Variants in LAMA2 observed in about 807,000 individuals in gnomAD.
LAMA2 encodes laminin subunit alpha 2.
In LAMA2, 269 loss-of-function variants were observed where a neutral mutation model predicts 364.8. The ratio of observed to expected loss-of-function variants is 0.74; its 90% CI spans 0.67 to 0.82. LAMA2 has a LOEUF of 0.82. Ranked by LOEUF, LAMA2 falls within the 40% of genes least tolerant of loss-of-function variation. LAMA2 has a pLI of 0.00. For synonymous variants in LAMA2, 1,379 were observed against 1,370.6 expected, an observed-to-expected ratio of 1.01 and a Z score of -0.14; for missense variants, 3,807 against 3,873.2, an observed-to-expected ratio of 0.98 and a Z score of 0.45.
Position 129,200,242 on chromosome 6 carries a change from G to A in LAMA2, c.1782+7389G>A, listed in dbSNP as rs539295347. Among the ~76,000 whole-genome samples the A allele has an allele frequency of 1.4e-3, 173 of 125,714 alleles. 2 individuals are homozygous for A. The highest frequency in any genetic ancestry group is 5.4e-3 in the African/African-American group (154 of 28,426). 82.5% of individuals were successfully genotyped at this position (125,714 alleles called of 152,430 possible). On this transcript the variant is annotated intron_variant, in intron 12 of 64. Transcript: ENST00000421865. ...TATATATACGTGTACACATATACAT[G>A]TGTATATATATACGTGTACACATAT...
At chr6:128,961,883 T>G (rs1582777820) in intron 1 of LAMA2, among the ~76,000 whole-genome samples, 1 of 151,756 alleles carries the variant, frequency 6.6e-6, no homozygotes, top group East Asian at 2.0e-4. Flanking sequence ...GGCAGGGGGA[T>G]CTGGATACCT....
chr6:129,314,704 G>T lies in LAMA2; in HGVS notation c.3461G>T (p.Gly1154Val), dbSNP rs922954882. 9.9e-6 allele frequency: 16 copies of T among 1,613,718 alleles called. No homozygotes were observed. The highest frequency in any genetic ancestry group is 1.7e-4 in the Middle Eastern group (1 of 5,858). ...HCDRCRPGKF[G>V]LDAKNPLGCS... The stretch of plus-strand genomic sequence containing the variant: ...GACAGATGCCGGCCTGGCAAATTCG[G>T]ACTCGATGCCAAGAATCCACTTGGC... Residue 1154 changes from glycine (G) to valine (V), a missense_variant, in exon 24 of 65, where the codon GGA becomes GTA. Coordinates refer to ENST00000421865, the MANE Select transcript of LAMA2 (RefSeq NM_000426.4).
At chr6:129,512,723 G>A (rs776472777) in intron 63 of LAMA2, among the ~76,000 whole-genome samples, 3 of 152,150 alleles carry the variant, frequency 2.0e-5, no homozygotes, top group Admixed American at 2.0e-4. Context: ...CAAGCCAATC[G>A]TGTTGACTAA....
chr6:129,217,181 C>T (rs1332494730), intron 12 of LAMA2, among the ~76,000 whole-genome samples: 11 of 102,380 alleles, frequency 1.1e-4, no homozygotes, highest in African/African-American at 3.0e-4. Context: ...GAGCGAGACT[C>T]CATCTCAAAA....
chr6:129,447,633 T>C (rs1441420790), intron 45 of LAMA2, among the ~76,000 whole-genome samples: 1 of 152,208 alleles, frequency 6.6e-6, no homozygotes, highest in Non-Finnish European at 1.5e-5. Flanking sequence ...CTGAAAGCTT[T>C]GAGCATGGAA....
At chr6:128,957,073 T>G (rs1781200777) in intron 1 of LAMA2, among the ~76,000 whole-genome samples, 1 of 152,136 alleles carries the variant, frequency 6.6e-6, no homozygotes, top group Non-Finnish European at 1.5e-5. Context: ...ACCAAGAAAT[T>G]TGCCAGGGAA....
intron 59 of LAMA2, 101 bp from the exon 60 acceptor site, chr6:129,502,990 A>T: frequency 8.6e-7 from 1 of 1,162,502 alleles, no homozygotes; most frequent in African/African-American, 1.5e-5. Flanking sequence ...AGAAGGTTTT[A>T]CTCTCCTTTA....
At chr6:129,037,934 G>A (rs1786780955) in intron 1 of LAMA2, among the ~76,000 whole-genome samples, 1 of 152,060 alleles carries the variant, frequency 6.6e-6, no homozygotes, top group African/African-American at 2.4e-5. Context: ...CTCCCAAAGT[G>A]TAGTTTAATA....
intron 1 of LAMA2, among the ~76,000 whole-genome samples, chr6:129,017,614 C>G (rs1485746661): frequency 6.6e-6 from 1 of 152,014 alleles, no homozygotes; most frequent in Non-Finnish European, 1.5e-5. Flanking sequence ...AGAATGATCA[C>G]AGTGATACTA....
intron 1 of LAMA2, chr6:128,930,047 C>CT: frequency 2.4e-6 from 1 of 410,560 alleles, no homozygotes; most frequent in Admixed American, 4.2e-5. Context: ...GCCGTGGCGC[C>CT]CGCAGCCCTG....
chr6:129,430,524 C>T lies in LAMA2; in HGVS notation c.5968+2670C>T, dbSNP rs117729633. Among the ~76,000 whole-genome samples, 632 of 152,240 alleles carry T rather than the reference C, an allele frequency of 4.2e-3. 4 individuals are homozygous for T. The highest frequency in any genetic ancestry group is 5.6e-3 in the Non-Finnish European group (380 of 68,024). ...CCTTGTGTGAGTTTGAGATTTGAAG[C>T]CTGTCTACATTGCACTGATCGAATG... On this transcript the variant is annotated intron_variant, in intron 41 of 64. Coordinates refer to ENST00000421865, the MANE Select transcript of LAMA2 (RefSeq NM_000426.4).
chr6:129,057,920 T>G (rs1788600812), intron 2 of LAMA2, among the ~76,000 whole-genome samples: 1 of 148,698 alleles, frequency 6.7e-6, no homozygotes, highest in Non-Finnish European at 1.5e-5. Flanking sequence ...AGCCACTCAT[T>G]CGAAACATCT....
At chr6:129,080,773 G>A (rs184709572) in intron 3 of LAMA2, among the ~76,000 whole-genome samples, 76 of 152,296 alleles carry the variant, frequency 5.0e-4, no homozygotes, top group Admixed American at 2.0e-3. Flanking sequence ...GGAGAAATAG[G>A]AATGCTTTTA....
chr6:129,188,236 A>G (rs1388634782), intron 10 of LAMA2, among the ~76,000 whole-genome samples: 2 of 151,926 alleles, frequency 1.3e-5, no homozygotes, highest in Non-Finnish European at 2.9e-5. Context: ...CATAGTGCCT[A>G]GAATTCCTAC....
intron 10 of LAMA2, among the ~76,000 whole-genome samples, chr6:129,179,362 G>T (rs1288683254): frequency 3.3e-5 from 5 of 151,870 alleles, no homozygotes. Context: ...AATCAAACAG[G>T]GAAGAAAAAC....
At chr6:129,202,407 A>G (rs537020741) in intron 12 of LAMA2, among the ~76,000 whole-genome samples, 1 of 152,084 alleles carries the variant, frequency 6.6e-6, no homozygotes, top group East Asian at 1.9e-4. Context: ...AATCTCCATG[A>G]ATGGGATTAA....
intron 44 of LAMA2, 25 bp downstream of exon 44, chr6:129,443,093 CTT>C: frequency 6.4e-7 from 1 of 1,561,974 alleles, no homozygotes; most frequent in Non-Finnish European, 8.7e-7. Flanking sequence ...ACTTATATAC[CTT>C]TTAGTAACGC....
In LAMA2 at chr6:129,473,268, C is replaced by T. The variant is rs750695778; in HGVS notation, c.7355C>T (p.Ser2452Leu). ...AATCAGGAGGAGAATATAGCAACTT[C>T]GTCTTCTGGAAACAACTTTGGTCTT... is the stretch of plus-strand genomic sequence containing the variant. ...DTNQEENIAT[S>L]SSGNNFGLDL... Residue 2452 changes from serine to leucine, a missense_variant, in exon 52 of 65, where the codon TCG (serine) becomes TTG (leucine). Ser to Leu is a moderately radical substitution (Grantham distance 145). This residue lies in a region of LAMA2 where 3,333 missense variants were observed against 3,345.7 expected (regional missense o/e 1.00). Transcript: ENST00000421865. 7.5e-6 allele frequency: 12 copies of T among 1,609,062 alleles called. No individual in the cohort carries two copies. The highest frequency in any genetic ancestry group is 5.3e-5 in the African/African-American group (4 of 74,784).
Position 129,199,720 on chromosome 6 carries a change from G to A in LAMA2, c.1782+6867G>A, listed in dbSNP as rs551362587. On this transcript the variant is annotated intron_variant, in intron 12 of 64. Transcript: ENST00000421865. Reference sequence around the variant, plus strand: ...AATTTTTAAGAGGCCATGTATAATAGCAATACATATAAATAGTACCAAGGA... The same window carrying A: ...AATTTTTAAGAGGCCATGTATAATAACAATACATATAAATAGTACCAAGGA... Among the ~76,000 whole-genome samples, 8 of 152,168 alleles carry A rather than the reference G, an allele frequency of 5.3e-5. No individual in the cohort carries two copies. The East Asian group carries it at 1.4e-3, about 26-fold the overall frequency.
Sources: gnomAD v4.1 joint callset for allele counts (sites outside exome capture counted in the v4.1 genomes callset) on GRCh38, gnomAD v4.1.1 for gene constraint, gnomAD v4.1.1 regional missense constraint, MANE v1.5 for transcripts, NCBI Gene and HGNC (gene_info 2026-07-23, HGNC 2026-07-21) for gene names.